PHACTR1: variants seen among roughly 807,000 people sequenced by gnomAD.
The protein encoded by PHACTR1 is RPEL repeat containing 1.
In PHACTR1, 16 loss-of-function variants were observed where a neutral mutation model predicts 69.2. The observed-to-expected ratio is 0.23, with a 90% CI of 0.16 to 0.35. The LOEUF (loss-of-function observed/expected upper bound fraction) is 0.35, where lower values mean the gene tolerates loss of function less well. Among genes scored for constraint, PHACTR1 ranks in the 10% least tolerant of loss-of-function variants. PHACTR1 has a pLI of 1.00. For synonymous variants in PHACTR1, 312 were observed against 284.5 expected, an observed-to-expected ratio of 1.10 and a Z score of -0.97; for missense variants, 510 against 734.7, an observed-to-expected ratio of 0.69 and a Z score of 3.54.
intron 5 of PHACTR1, among the ~76,000 whole-genome samples, chr6:13,103,408 TTC>T (rs1815508491): frequency 2.0e-5 from 3 of 152,208 alleles, no homozygotes; most frequent in Admixed American, 2.0e-4. Context: ...TGCAAATACT[TTC>T]TGTAGTGTTT....
chr6:12,722,256 T>G (rs986392873), intron 3 of PHACTR1, among the ~76,000 whole-genome samples: 1 of 152,252 alleles, frequency 6.6e-6, no homozygotes, highest in African/African-American at 2.4e-5. Flanking sequence ...TATAGACTGA[T>G]CAAGTGTTCT....
intron 5 of PHACTR1, among the ~76,000 whole-genome samples, chr6:13,060,403 G>A (rs976732959): frequency 2.0e-5 from 3 of 152,156 alleles, no homozygotes; most frequent in Non-Finnish European, 2.9e-5. Flanking sequence ...TCTATAGGGG[G>A]TTGTGTGTGT....
chr6:13,083,032 TG>T (rs1178275557), intron 5 of PHACTR1, among the ~76,000 whole-genome samples: 5 of 152,238 alleles, frequency 3.3e-5, no homozygotes, highest in Non-Finnish European at 7.3e-5. Context: ...GTCTATGTCC[TG>T]AATGGTATTG....
chr6:13,235,643 TAACA>T (rs1308818045), intron 10 of PHACTR1, among the ~76,000 whole-genome samples: 2 of 152,218 alleles, frequency 1.3e-5, no homozygotes, highest in Non-Finnish European at 2.9e-5. Flanking sequence ...ACCTAATGCC[TAACA>T]AGTTGTGCTT....
chr6:13,041,458 C>T (rs1255733918), intron 4 of PHACTR1, among the ~76,000 whole-genome samples: 5 of 151,654 alleles, frequency 3.3e-5, no homozygotes, highest in African/African-American at 7.3e-5. Flanking sequence ...GATTTCACCT[C>T]GTCACTAAAC....
chr6:13,161,740 C>T (rs1042606583), intron 6 of PHACTR1, among the ~76,000 whole-genome samples: 10 of 152,160 alleles, frequency 6.6e-5, no homozygotes, highest in Non-Finnish European at 2.9e-5. Context: ...TGACCTCCTT[C>T]ATTCTTGTCA....
intron 7 of PHACTR1, chr6:13,184,911 C>T (rs1432631133): frequency 1.5e-6 from 2 of 1,366,616 alleles, no homozygotes; most frequent in South Asian, 1.1e-5. Context: ...TCCCTGGAGA[C>T]CATGAAGAGA....
intron 7 of PHACTR1, among the ~76,000 whole-genome samples, chr6:13,191,358 G>C (rs1487394399): frequency 6.6e-6 from 1 of 152,132 alleles, no homozygotes; most frequent in Non-Finnish European, 1.5e-5. Context: ...TTATACTCAC[G>C]GGCCCTAGAG....
At chr6:12,809,515 T>C (rs1157498903) in intron 4 of PHACTR1, among the ~76,000 whole-genome samples, 1 of 152,220 alleles carries the variant, frequency 6.6e-6, no homozygotes. Context: ...TTATCAACCC[T>C]ACTCTAGCAG....
At chr6:12,968,884 AAAAG>A (rs141696185) in intron 4 of PHACTR1, among the ~76,000 whole-genome samples, 36 of 152,242 alleles carry the variant, frequency 2.4e-4, no homozygotes, top group African/African-American at 7.7e-4. Flanking sequence ...CTTCTTTTAA[AAAAG>A]AAAGAAAGAA....
intron 4 of PHACTR1, among the ~76,000 whole-genome samples, chr6:12,937,780 T>C (rs947646098): frequency 6.6e-6 from 1 of 152,126 alleles, no homozygotes; most frequent in South Asian, 2.1e-4. Context: ...TTAAATTTTA[T>C]GAAAACACAA....
chr6:13,046,408 A>G (rs1217358466), intron 4 of PHACTR1, among the ~76,000 whole-genome samples: 1 of 152,174 alleles, frequency 6.6e-6, no homozygotes, highest in Non-Finnish European at 1.5e-5. Flanking sequence ...GTGCTAATAC[A>G]TAAATTGGAT....
At chr6:13,192,745 C>T (rs1763773592) in intron 7 of PHACTR1, among the ~76,000 whole-genome samples, 1 of 152,148 alleles carries the variant, frequency 6.6e-6, no homozygotes, top group Non-Finnish European at 1.5e-5. Flanking sequence ...CTAAACATCC[C>T]AGGGGTAAGT....
At chr6:13,119,104 TA>T (rs1025909107) in intron 5 of PHACTR1, among the ~76,000 whole-genome samples, 5 of 152,100 alleles carry the variant, frequency 3.3e-5, no homozygotes, top group East Asian at 1.9e-4. Flanking sequence ...ATCTACCTCA[TA>T]AAAAAAATAG....
intron 4 of PHACTR1, among the ~76,000 whole-genome samples, chr6:12,785,361 A>G (rs560851399): frequency 4.6e-5 from 7 of 152,294 alleles, no homozygotes; most frequent in Admixed American, 2.0e-4. Flanking sequence ...TAATAAATGG[A>G]GGTACATGTA....
intron 6 of PHACTR1, among the ~76,000 whole-genome samples, chr6:13,168,445 A>G (rs1446315923): frequency 6.6e-6 from 1 of 152,208 alleles, no homozygotes; most frequent in African/African-American, 2.4e-5. Flanking sequence ...CGTTCCACAT[A>G]AATGTATTCA....
intron 5 of PHACTR1, among the ~76,000 whole-genome samples, chr6:13,054,765 G>T (rs1417236901): frequency 6.6e-6 from 1 of 152,166 alleles, no homozygotes; most frequent in Non-Finnish European, 1.5e-5. Flanking sequence ...GGGAGTGAGG[G>T]TTGCAACATA....
At chr6:12,814,911 A>G (rs999057600) in intron 4 of PHACTR1, among the ~76,000 whole-genome samples, 4 of 152,150 alleles carry the variant, frequency 2.6e-5, no homozygotes, top group African/African-American at 9.7e-5. Flanking sequence ...GTCTCAAAAC[A>G]CAACATGCTT....
At chr6:12,855,412 A>C (rs59857153) in intron 4 of PHACTR1, among the ~76,000 whole-genome samples, 1 of 152,250 alleles carries the variant, frequency 6.6e-6, no homozygotes, top group East Asian at 1.9e-4. Context: ...TGATTATACC[A>C]ATGCACCCTA....
Sources: gnomAD v4.1 joint callset for allele counts (sites outside exome capture counted in the v4.1 genomes callset) on GRCh38, gnomAD v4.1.1 for gene constraint, MANE v1.5 for transcripts, NCBI Gene and HGNC (gene_info 2026-07-23, HGNC 2026-07-21) for gene names.